The following PCDHGB1 variants were observed in gnomAD, a reference collection of about 807,000 sequenced individuals.
The protein encoded by PCDHGB1 is protocadherin gamma-B1.
PCDHGB1 carries 34 observed loss-of-function variants against 56.6 expected under a neutral mutation model. The observed-to-expected ratio is 0.60, with a 90% CI of 0.46 to 0.80. The LOEUF (loss-of-function observed/expected upper bound fraction) is 0.80. PCDHGB1 is among the 30% of genes least tolerant of loss of function. The probability of loss-of-function intolerance (pLI) is 0.00; values close to 1 mark genes in which losing one functional copy is unlikely to be tolerated. For synonymous variants in PCDHGB1, 561 were observed against 505.9 expected (o/e 1.11, Z -1.46); for missense variants, 1,278 against 1,204.6 (o/e 1.06, Z -0.90).
At chr5:141,453,786 A>G (rs2098774297) in intron 1 of PCDHGB1, among the ~76,000 whole-genome samples, 1 of 152,252 alleles carries the variant, frequency 6.6e-6, no homozygotes, top group Non-Finnish European at 1.5e-5. Flanking sequence ...TTACCATGGT[A>G]TATTAACTTT....
At chr5:141,359,313 G>A (rs766981687) in intron 1 of PCDHGB1, among the ~76,000 whole-genome samples, 9 of 152,032 alleles carry the variant, frequency 5.9e-5, no homozygotes, top group Admixed American at 5.2e-4. Flanking sequence ...TCAGGTGTTG[G>A]CATTAGGAAT....
At chr5:141,374,785 T>A in intron 1 of PCDHGB1, 1 of 1,613,874 alleles carries the variant, frequency 6.2e-7, no homozygotes, top group Non-Finnish European at 8.5e-7. Context: ...CAGTTCTAGA[T>A]GTGAATGACA....
chr5:141,396,631 A>C lies in PCDHGB1; in HGVS notation c.2409+43962A>C, dbSNP rs1471198116. 7 of 152,348 alleles carry C rather than the reference A, an allele frequency of 4.6e-5. No homozygotes were observed. The South Asian group carries it at 6.2e-4, about 14-fold the overall frequency. 9.4% of individuals were successfully genotyped at this position (152,348 alleles called of 1,614,324 possible). On this transcript the variant is annotated intron_variant, in intron 1 of 3. Transcript: ENST00000523390. ...TGAGACTCCGTCTCAAAAAAAAAAAAAACTAATATTAATAGTAAAAACTCG... is the reference window on the plus strand; with the variant it reads ...TGAGACTCCGTCTCAAAAAAAAAAACAACTAATATTAATAGTAAAAACTCG...
At chr5:141,397,843 C>A (rs1200465582) in intron 1 of PCDHGB1, 7 of 522,606 alleles carry the variant, frequency 1.3e-5, no homozygotes, top group Non-Finnish European at 2.0e-5. Context: ...CTTGAAGCCG[C>A]AGAGGCTGTA....
chr5:141,432,864 G>A lies in PCDHGB1; in HGVS notation c.2410-61943G>A. On this transcript the variant is annotated intron_variant, in intron 1 of 3. Coordinates refer to ENST00000523390, the MANE Select transcript of PCDHGB1 (RefSeq NM_018922.3). The surrounding 1 kb of genome is among the most constrained non-coding windows in gnomAD (Gnocchi z 6.0). ...GTGGTAGCGGTGGCCGCGGTCTCCT[G>A]CGTCTTCCTGGCCTTCGTCATCTTG... 6.2e-7 allele frequency: 1 copy of A among 1,614,168 alleles called. No individual in the cohort carries two copies. Among genetic ancestry groups the A allele is most frequent in the South Asian group, 1.1e-5 (1 of 91,084 alleles).
intron 1 of PCDHGB1, among the ~76,000 whole-genome samples, chr5:141,429,880 G>A (rs1209368869): frequency 6.6e-6 from 1 of 152,104 alleles, no homozygotes; most frequent in Non-Finnish European, 1.5e-5. Context: ...CTTTTACTAA[G>A]TTTCCTGAAC....
At chr5:141,383,927 A>C in intron 1 of PCDHGB1, 1 of 1,613,800 alleles carries the variant, frequency 6.2e-7, no homozygotes, top group Non-Finnish European at 8.5e-7. Context: ...GTAAATGATA[A>C]TGCTCCAGAA....
chr5:141,417,792 T>C, intron 1 of PCDHGB1: 1 of 1,483,216 alleles, frequency 6.7e-7, no homozygotes, highest in South Asian at 1.4e-5. Flanking sequence ...CCGAATGCTC[T>C]TTTAGCGCGG....
chr5:141,474,721 A>T (rs942537231), intron 1 of PCDHGB1, among the ~76,000 whole-genome samples: 10 of 152,214 alleles, frequency 6.6e-5, no homozygotes, highest in African/African-American at 1.7e-4. Flanking sequence ...CTTCAAAAGG[A>T]CTCTATGCAA....
intron 1 of PCDHGB1, chr5:141,420,380 C>T (rs1343046478): frequency 7.7e-7 from 1 of 1,306,574 alleles, no homozygotes; most frequent in Non-Finnish European, 1.0e-6. Flanking sequence ...TCATAGAGTT[C>T]GCAAAATATA....
chr5:141,427,975 C>T lies in PCDHGB1; in HGVS notation c.2410-66832C>T, dbSNP rs757718263. ...AATGTGCCGCGGGTGCTGTACCCCGCGCTGGGGCCCGATGGCTCCGCACTC... is the reference window on the plus strand; with the variant it reads ...AATGTGCCGCGGGTGCTGTACCCCGTGCTGGGGCCCGATGGCTCCGCACTC... On this transcript the variant is annotated intron_variant, in intron 1 of 3. Transcript: ENST00000523390. The T allele has an allele frequency of 1.9e-6, 3 of 1,594,600 alleles. No individual in the cohort carries two copies. In the South Asian group the frequency reaches 3.3e-5, roughly 18 times the overall value.
At chr5:141,450,080 C>G (rs140080701) in intron 1 of PCDHGB1, among the ~76,000 whole-genome samples, 6,313 of 144,358 alleles carry the variant, frequency 0.044, 398 homozygotes, top group Admixed American at 0.19. Context: ...GATCTTGGCT[C>G]ACTGCAACCT....
At chr5:141,505,536 C>T (rs749205049) in intron 3 of PCDHGB1, 55 bp downstream of exon 3, 9 of 1,610,164 alleles carry the variant, frequency 5.6e-6, no homozygotes, top group Non-Finnish European at 7.6e-6. Context: ...TTCTGGGGTG[C>T]ATCTCACAGC....
Position 141,432,098 on chromosome 5 carries a change from G to A in PCDHGB1, c.2410-62709G>A. 1.2e-6 allele frequency: 2 copies of A among 1,614,056 alleles called. No homozygotes were observed. Among genetic ancestry groups the A allele is most frequent in the Non-Finnish European group, 1.7e-6 (2 of 1,180,002 alleles). ...CTCGCTGAACGTGGCAGACACCAAC[G>A]ACAACCCGCCGGTCTTCCCTCAGGC... On this transcript the variant is annotated intron_variant, in intron 1 of 3. Transcript: ENST00000523390. The surrounding 1 kb of genome is among the most constrained non-coding windows in gnomAD (Gnocchi z 6.0).
intron 1 of PCDHGB1, chr5:141,356,432 A>C (rs772805115): frequency 8.7e-6 from 14 of 1,609,664 alleles, no homozygotes; most frequent in Non-Finnish European, 1.2e-5. Context: ...AGAACACTGG[A>C]CAGGGAAGAA....
chr5:141,476,738 C>T lies in PCDHGB1; in HGVS notation c.2410-18069C>T. 6.2e-7 allele frequency: 1 copy of T among 1,614,076 alleles called. No individual in the cohort carries two copies. The highest frequency in any genetic ancestry group is 2.2e-5 in the East Asian group (1 of 44,880). On this transcript the variant is annotated intron_variant, in intron 1 of 3. Transcript: ENST00000523390. This position sits in a 1 kb window ranked among gnomAD's most constrained non-coding sequence, Gnocchi z 7.6. Reference sequence around the variant, plus strand: ...GCGCGCCCTGGACCGAGAACGGGAGCCTAGTCTCCAGTTAGTGCTGACGGC... The same window carrying T: ...GCGCGCCCTGGACCGAGAACGGGAGTCTAGTCTCCAGTTAGTGCTGACGGC...
intron 1 of PCDHGB1, chr5:141,376,394 C>T (rs1772639427): frequency 3.1e-6 from 5 of 1,614,110 alleles, no homozygotes; most frequent in South Asian, 1.1e-5. Context: ...TCTGATTTTC[C>T]CCCAGCCCAA....
chr5:141,405,391 T>A, intron 1 of PCDHGB1: 1 of 1,595,892 alleles, frequency 6.3e-7, no homozygotes, highest in Non-Finnish European at 8.5e-7. Flanking sequence ...GTTCATTTTT[T>A]TTCTTTCTTT....
At chr5:141,399,376 A>T in intron 1 of PCDHGB1, 1 of 1,613,956 alleles carries the variant, frequency 6.2e-7, no homozygotes, top group Non-Finnish European at 8.5e-7. Context: ...GTACAATGTC[A>T]CCATCACAGC....
Sources: allele counts gnomAD v4.1 joint callset (sites outside exome capture counted in the v4.1 genomes callset), GRCh38; gene constraint gnomAD v4.1.1; non-coding constraint Gnocchi (gnomAD v3.1); transcripts MANE v1.5; gene names NCBI Gene and HGNC (gene_info 2026-07-23, HGNC 2026-07-21).